SNX29: variants seen among roughly 807,000 people sequenced by gnomAD.
The protein encoded by SNX29 is sorting nexin 29.
SNX29 carries 78 observed loss-of-function variants against 102.1 expected under a neutral mutation model. The ratio of observed to expected loss-of-function variants is 0.76; its 90% CI spans 0.64 to 0.92. The LOEUF (loss-of-function observed/expected upper bound fraction) is 0.92, where lower values mean the gene tolerates loss of function less well. SNX29 is among the 40% of genes least tolerant of loss of function. The pLI is 0.00. For missense variants in SNX29, 1,280 were observed against 1,061.7 expected (o/e 1.21, Z -2.86); for synonymous variants, 580 against 414.5 (o/e 1.40, Z -4.85).
intron 17 of SNX29, among the ~76,000 whole-genome samples, chr16:12,402,491 T>C (rs951196064): frequency 6.6e-6 from 1 of 152,224 alleles, no homozygotes; most frequent in Admixed American, 6.5e-5. Context: ...CCTTCCAGAA[T>C]GGTGCAGCAC....
rs369323258 is a variant in SNX29 at position 12,199,648 on chromosome 16, T to C, written c.1643T>C (p.Val548Ala). 6.2e-7 allele frequency: 1 copy of C among 1,613,092 alleles called. No individual in the cohort carries two copies. The highest frequency in any genetic ancestry group is 1.3e-5 in the African/African-American group (1 of 74,852). Residue 548 changes from valine to alanine, a missense_variant, in exon 14 of 21, where the codon GTC becomes GCC. Physicochemically the swap from Val to Ala is moderately conservative, Grantham distance 64 (BLOSUM62 0). Coordinates refer to ENST00000566228, the MANE Select transcript of SNX29 (RefSeq NM_032167.5). ...CAACTGAAGAAATATGTAGGAGCTG[T>C]CCAGATGCTGAAAAGAGAAGGTCAA... The part of the protein sequence containing the change: ...KVQLKKYVGA[V>A]QMLKREGQTA...
At chr16:12,549,301 C>G (rs762918952) in intron 20 of SNX29, among the ~76,000 whole-genome samples, 1 of 152,106 alleles carries the variant, frequency 6.6e-6, no homozygotes, top group African/African-American at 2.4e-5. Context: ...TGGAAACCAG[C>G]CTGGTCAATA....
intron 14 of SNX29, among the ~76,000 whole-genome samples, chr16:12,237,670 G>A (rs1251618851): frequency 6.6e-6 from 1 of 152,022 alleles, no homozygotes; most frequent in African/African-American, 2.4e-5. Context: ...ACTTTGGGAG[G>A]CTGAGGTGGA....
intron 19 of SNX29, among the ~76,000 whole-genome samples, chr16:12,520,469 C>T (rs934020695): frequency 2.6e-5 from 4 of 152,212 alleles, no homozygotes; most frequent in Non-Finnish European, 5.9e-5. Context: ...AAGTTCCTCA[C>T]CTTTCTGAAA....
chr16:12,551,675 G>A (rs1351131576), intron 20 of SNX29, among the ~76,000 whole-genome samples: 2 of 152,196 alleles, frequency 1.3e-5, no homozygotes, highest in African/African-American at 2.4e-5. Context: ...CTGTGCAGTA[G>A]GATAAAAGTA....
chr16:12,001,166 C>T (rs1321639333), intron 2 of SNX29, among the ~76,000 whole-genome samples: 2 of 150,228 alleles, frequency 1.3e-5, no homozygotes, highest in Non-Finnish European at 1.5e-5. Context: ...GGCTGGAGTA[C>T]AGTGGTGCAG....
chr16:12,413,383 TG>T (rs2084486380), intron 18 of SNX29, among the ~76,000 whole-genome samples: 1 of 150,422 alleles, frequency 6.6e-6, no homozygotes, highest in African/African-American at 2.5e-5. Flanking sequence ...TGGCAGAGGG[TG>T]GGGTACAGGG....
intron 18 of SNX29, among the ~76,000 whole-genome samples, chr16:12,433,778 T>C (rs982122637): frequency 1.3e-5 from 2 of 151,826 alleles, no homozygotes; most frequent in Admixed American, 1.3e-4. Flanking sequence ...GAGCTGAGAT[T>C]GTGCCACTGC....
intron 3 of SNX29, among the ~76,000 whole-genome samples, chr16:12,023,997 G>C (rs567646213): frequency 6.6e-6 from 1 of 152,296 alleles, no homozygotes; most frequent in South Asian, 2.1e-4. Flanking sequence ...AAGTGCACGG[G>C]AGCTCACAGT....
intron 13 of SNX29, among the ~76,000 whole-genome samples, chr16:12,179,005 T>C (rs1024532685): frequency 1.3e-5 from 2 of 152,196 alleles, no homozygotes; most frequent in African/African-American, 4.8e-5. Context: ...AAATATAAAA[T>C]AGCATAAATA....
At chr16:12,423,516 C>T (rs999123145) in intron 18 of SNX29, among the ~76,000 whole-genome samples, 2 of 152,168 alleles carry the variant, frequency 1.3e-5, no homozygotes, top group Non-Finnish European at 2.9e-5. Flanking sequence ...AATGTGAAAC[C>T]TTTGGAACGA....
At chr16:12,274,923 C>T (rs1167331879) in intron 14 of SNX29, among the ~76,000 whole-genome samples, 2 of 152,058 alleles carry the variant, frequency 1.3e-5, no homozygotes, top group Non-Finnish European at 2.9e-5. Context: ...TATTTCATGA[C>T]TACACTGTCT....
chr16:12,269,590 G>C (rs1474887609), intron 14 of SNX29, among the ~76,000 whole-genome samples: 2 of 152,118 alleles, frequency 1.3e-5, no homozygotes, highest in East Asian at 1.9e-4. Flanking sequence ...GATTCCAGCA[G>C]GTGTACTTTT....
chr16:12,381,826 CATCCATCCACTCACCCATT>C (rs1411261804), intron 16 of SNX29, among the ~76,000 whole-genome samples: 3 of 143,774 alleles, frequency 2.1e-5, no homozygotes, highest in East Asian at 2.1e-4. Context: ...ACCCACCCAT[CATCCATCCACTCACCCATT>C]ATCCATCCAC....
chr16:12,211,871 T>TA (rs940340907), intron 14 of SNX29, among the ~76,000 whole-genome samples: 1 of 152,206 alleles, frequency 6.6e-6, no homozygotes, highest in Non-Finnish European at 1.5e-5. Flanking sequence ...TAATCTCATT[T>TA]AAAAAATACC....
chr16:12,364,138 G>A (rs978409786), intron 16 of SNX29, among the ~76,000 whole-genome samples: 4 of 145,772 alleles, frequency 2.7e-5, no homozygotes, highest in African/African-American at 7.7e-5. Context: ...GACTACAGGT[G>A]TGCGCCACCA....
intron 15 of SNX29, among the ~76,000 whole-genome samples, chr16:12,320,989 G>A (rs538618465): frequency 6.6e-6 from 1 of 152,306 alleles, no homozygotes; most frequent in East Asian, 1.9e-4. Flanking sequence ...GAGCAAATCA[G>A]GACTGAGGCG....
chr16:12,068,203 A>G (rs189850929), intron 9 of SNX29, among the ~76,000 whole-genome samples: 1 of 152,282 alleles, frequency 6.6e-6, no homozygotes, highest in African/African-American at 2.4e-5. Flanking sequence ...CAGGCCAGGC[A>G]CAGTTGCTCA....
intron 16 of SNX29, chr16:12,373,159 G>A (rs2082744750): frequency 6.6e-6 from 1 of 152,194 alleles, no homozygotes; most frequent in Admixed American, 6.5e-5. Flanking sequence ...TTAAGAGACA[G>A]TCTCGCTGTG....
Sources: gnomAD v4.1 joint callset for allele counts (sites outside exome capture counted in the v4.1 genomes callset) on GRCh38, gnomAD v4.1.1 for gene constraint, MANE v1.5 for transcripts, NCBI Gene and HGNC (gene_info 2026-07-23, HGNC 2026-07-21) for gene names.